The following PLA2G4A variants were observed in gnomAD, a reference collection of about 807,000 sequenced individuals.
PLA2G4A encodes the protein phospholipase A2 group IVA.
A neutral mutation model predicts 81.9 loss-of-function variants in PLA2G4A; 40 were observed. That is an observed-to-expected ratio of 0.49 (90% CI 0.38 to 0.64). PLA2G4A has a LOEUF of 0.64. PLA2G4A is among the 30% of genes least tolerant of loss of function. The pLI, the probability that PLA2G4A is intolerant of heterozygous loss-of-function variation, is 0.00. For synonymous variants in PLA2G4A, 302 were observed against 296.9 expected, an observed-to-expected ratio of 1.02 and a Z score of -0.18; for missense variants, 715 against 905.1, an observed-to-expected ratio of 0.79 and a Z score of 2.69.
chr1:186,867,918 A>C (rs1215099434), intron 2 of PLA2G4A, among the ~76,000 whole-genome samples: 2 of 151,954 alleles, frequency 1.3e-5, no homozygotes, highest in Non-Finnish European at 2.9e-5. Context: ...ATGGATGTTA[A>C]ATTTTGTCAA....
At chr1:186,886,169 T>A (rs1329683453) in intron 3 of PLA2G4A, among the ~76,000 whole-genome samples, 2 of 152,100 alleles carry the variant, frequency 1.3e-5, no homozygotes, top group South Asian at 4.2e-4. Flanking sequence ...ATATTACAAT[T>A]AATATAAAAA....
intron 8 of PLA2G4A, among the ~76,000 whole-genome samples, chr1:186,935,442 C>A (rs33958012): frequency 0.36 from 54,278 of 148,954 alleles, 12,073 homozygotes; most frequent in Non-Finnish European, 0.49. Context: ...GAGAGTTGAG[C>A]ATTTTCTAGA....
Position 186,862,223 on chromosome 1 carries a change from C to CTTTTTTTTTT in PLA2G4A, c.33+7845_33+7846insTTTTTTTTTT, listed in dbSNP as rs66584780. On this transcript the variant is annotated intron_variant, in intron 2 of 17. Coordinates refer to ENST00000367466, the MANE Select transcript of PLA2G4A (RefSeq NM_024420.3). ...TATGTCTGTCTCTTTTAGTTATGAA[C>CTTTTTTTTTT]TTTTTTTTTGAGACAGGGTCTCACA... Among the ~76,000 whole-genome samples the CTTTTTTTTTT allele has an allele frequency of 9.5e-5, 12 of 126,278 alleles. 4 individuals are homozygous for CTTTTTTTTTT. The highest frequency in any genetic ancestry group is 2.7e-4 in the Admixed American group (3 of 11,238). The allele number at this position is 126,278 out of a possible 152,430, so 82.8% of individuals were successfully genotyped here.
In PLA2G4A at chr1:186,945,981, G is replaced by A. The variant is rs542724376; in HGVS notation, c.1034-656G>A. On this transcript the variant is annotated intron_variant, in intron 10 of 17. Coordinates refer to ENST00000367466, the MANE Select transcript of PLA2G4A (RefSeq NM_024420.3). ...GATTTTATTCACATTTTATAGATTA[G>A]GGACCTAAGACAGAGAGAATAATAC... Among the ~76,000 whole-genome samples, 4 of 152,076 alleles carry A rather than the reference G, an allele frequency of 2.6e-5. No individual in the cohort carries two copies. The South Asian group carries it at 8.3e-4, about 31-fold the overall frequency.
intron 8 of PLA2G4A, among the ~76,000 whole-genome samples, chr1:186,934,872 C>T (rs1354094638): frequency 1.3e-5 from 2 of 151,814 alleles, no homozygotes; most frequent in East Asian, 1.9e-4. Context: ...CTACCACTTC[C>T]ACAATTTCTC....
At chr1:186,873,898 G>A (rs1423491699) in intron 3 of PLA2G4A, among the ~76,000 whole-genome samples, 1 of 152,034 alleles carries the variant, frequency 6.6e-6, no homozygotes, top group African/African-American at 2.4e-5. Flanking sequence ...TTACTCAAAT[G>A]CAGCATTTAT....
intron 4 of PLA2G4A, 84 bp downstream of exon 4, chr1:186,893,243 G>A: frequency 8.6e-7 from 1 of 1,157,638 alleles, no homozygotes; most frequent in East Asian, 2.3e-5. Flanking sequence ...CTGCCTTTTT[G>A]TTCCTGTTAG....
chr1:186,854,250 G>A, intron 1 of PLA2G4A, 36 bp from the exon 2 acceptor site: 1 of 755,866 alleles, frequency 1.3e-6, no homozygotes, highest in Non-Finnish European at 2.4e-6. Flanking sequence ...CTGCATCCAA[G>A]AGGAAGCTTA....
intron 7 of PLA2G4A, among the ~76,000 whole-genome samples, chr1:186,921,512 G>T (rs1161477330): frequency 3.3e-5 from 5 of 152,174 alleles, no homozygotes; most frequent in Non-Finnish European, 7.3e-5. Context: ...CCAGTATATT[G>T]CTTCTCTCTC....
intron 7 of PLA2G4A, among the ~76,000 whole-genome samples, chr1:186,926,415 G>A (rs1655549270): frequency 6.6e-6 from 1 of 152,114 alleles, no homozygotes; most frequent in Admixed American, 6.6e-5. Context: ...AGCCCACACT[G>A]TTTTCTCTTG....
chr1:186,984,889 C>G (rs918088315), intron 17 of PLA2G4A, among the ~76,000 whole-genome samples: 2 of 152,128 alleles, frequency 1.3e-5, no homozygotes, highest in African/African-American at 4.8e-5. Flanking sequence ...ATTTAACACT[C>G]AAGACTAGCC....
intron 17 of PLA2G4A, among the ~76,000 whole-genome samples, chr1:186,985,830 A>G (rs1657875288): frequency 1.3e-5 from 2 of 152,180 alleles, no homozygotes; most frequent in Admixed American, 6.5e-5. Flanking sequence ...AATGAATTTC[A>G]GGGAAGAATG....
intron 8 of PLA2G4A, among the ~76,000 whole-genome samples, chr1:186,937,209 G>T (rs771178088): frequency 2.0e-5 from 3 of 151,216 alleles, no homozygotes; most frequent in African/African-American, 7.3e-5. Flanking sequence ...TCTGTTTCTC[G>T]CCAGGGTTTG....
intron 2 of PLA2G4A, among the ~76,000 whole-genome samples, chr1:186,856,665 A>G (rs1652565355): frequency 6.6e-6 from 1 of 152,032 alleles, no homozygotes; most frequent in Non-Finnish European, 1.5e-5. Context: ...TATTTATAAT[A>G]ACCATAAGAT....
intron 2 of PLA2G4A, among the ~76,000 whole-genome samples, chr1:186,865,830 A>C (rs949934157): frequency 1.3e-5 from 2 of 152,198 alleles, no homozygotes; most frequent in Non-Finnish European, 2.9e-5. Context: ...ATACTTATCC[A>C]GAATGAATTT....
At chr1:186,881,703 C>T (rs1192663211) in intron 3 of PLA2G4A, among the ~76,000 whole-genome samples, 1 of 151,968 alleles carries the variant, frequency 6.6e-6, no homozygotes, top group Non-Finnish European at 1.5e-5. Context: ...AAATGACTGA[C>T]ATTGATTTAT....
chr1:186,911,071 C>G (rs1654921485), intron 6 of PLA2G4A, among the ~76,000 whole-genome samples, 177 bp from the exon 7 acceptor site: 1 of 152,154 alleles, frequency 6.6e-6, no homozygotes, highest in African/African-American at 2.4e-5. Flanking sequence ...GTGGAAAATG[C>G]TGCTTTAAGA....
rs1656656461 is a variant in PLA2G4A, at chr1:186,954,005, G to A, written c.1337-2097G>A. Among the ~76,000 whole-genome samples, 3 of 152,166 alleles carry A rather than the reference G, an allele frequency of 2.0e-5. No individual in the cohort carries two copies. The South Asian group carries it at 6.2e-4, about 31-fold the overall frequency. On this transcript the variant is annotated intron_variant, in intron 13 of 17. Transcript: ENST00000367466. ...GAAAAGTGTAAGAGTAGAAAGTAGT[G>A]TATTTGTTTTTGGTGACTATATAGT...
chr1:186,887,428 G>C (rs538756430), intron 3 of PLA2G4A, among the ~76,000 whole-genome samples: 1 of 152,240 alleles, frequency 6.6e-6, no homozygotes, highest in African/African-American at 2.4e-5. Flanking sequence ...CTGAAGTTTA[G>C]TAGTAAGTTT....
Sources: allele counts gnomAD v4.1 joint callset (sites outside exome capture counted in the v4.1 genomes callset), GRCh38; gene constraint gnomAD v4.1.1; transcripts MANE v1.5; gene names NCBI Gene and HGNC (gene_info 2026-07-23, HGNC 2026-07-21).